Variants in PICALM observed in about 807,000 individuals in gnomAD.
The protein encoded by PICALM is phosphatidylinositol binding clathrin assembly protein.
A neutral mutation model predicts 80.5 loss-of-function variants in PICALM; 40 were observed. That is an observed-to-expected ratio of 0.50 (90% CI 0.39 to 0.65). PICALM has a LOEUF of 0.65. Ranked by LOEUF, PICALM falls within the 30% of genes least tolerant of loss-of-function variation. The pLI is 0.00. For synonymous variants in PICALM, 288 were observed against 260.3 expected (o/e 1.11, Z -1.02); for missense variants, 676 against 778.9 (o/e 0.87, Z 1.57).
At chr11:86,015,903 A>G (rs2095473930) in intron 4 of PICALM, among the ~76,000 whole-genome samples, 1 of 152,232 alleles carries the variant, frequency 6.6e-6, no homozygotes, top group African/African-American at 2.4e-5. Flanking sequence ...AAAACAATTA[A>G]GCTATAAAAA....
intron 1 of PICALM, among the ~76,000 whole-genome samples, chr11:86,039,328 C>G (rs1021116298): frequency 2.0e-5 from 3 of 152,018 alleles, no homozygotes; most frequent in African/African-American, 7.3e-5. Flanking sequence ...GAGTTCAAGG[C>G]TGTAATGTAC....
chr11:85,959,880 C>T (rs180784153), intron 19 of PICALM, among the ~76,000 whole-genome samples: 2 of 152,056 alleles, frequency 1.3e-5, no homozygotes, highest in Non-Finnish European at 2.9e-5. Context: ...ACATCCAGGC[C>T]AAATACTTAA....
intron 19 of PICALM, among the ~76,000 whole-genome samples, chr11:85,966,188 G>T (rs1004460162): frequency 6.6e-6 from 1 of 151,176 alleles, no homozygotes; most frequent in African/African-American, 2.4e-5. Flanking sequence ...AATGTATGTT[G>T]TATCTGAACC....
At chr11:86,035,917 C>T (rs1460069077) in intron 1 of PICALM, among the ~76,000 whole-genome samples, 1 of 140,620 alleles carries the variant, frequency 7.1e-6, no homozygotes, top group Non-Finnish European at 1.5e-5. Flanking sequence ...CACTGCACTC[C>T]AGCCTGGCCT....
intron 3 of PICALM, 50 bp downstream of exon 3, chr11:86,026,242 C>A: frequency 1.0e-6 from 1 of 970,510 alleles, no homozygotes; most frequent in South Asian, 1.3e-5. Flanking sequence ...GAGTAATCAT[C>A]ATGTGGGTGT....
chr11:86,035,256 G>T (rs1014507278), intron 1 of PICALM, among the ~76,000 whole-genome samples: 2 of 151,952 alleles, frequency 1.3e-5, no homozygotes, highest in Non-Finnish European at 2.9e-5. Context: ...ACCAACTTCA[G>T]CCTATATAGA....
intron 3 of PICALM, among the ~76,000 whole-genome samples, 189 bp from the exon 4 acceptor site, chr11:86,022,658 G>T (rs975393212): frequency 2.0e-5 from 3 of 151,324 alleles, no homozygotes; most frequent in Non-Finnish European, 4.4e-5. Context: ...TTCTCTTAAG[G>T]CTTCATATTT....
chr11:85,977,984 A>T (rs1467705158), intron 17 of PICALM: 1 of 973,782 alleles, frequency 1.0e-6, no homozygotes, highest in African/African-American at 1.6e-5. Flanking sequence ...AAAACAAGTA[A>T]TAGCTGAAAG....
Position 85,957,768 on chromosome 11 carries a change from G to A in PICALM, c.*1278C>T, listed in dbSNP as rs2093570646. The A allele has an allele frequency of 4.6e-6, 1 of 216,550 alleles. No homozygotes were observed. Among genetic ancestry groups the A allele is most frequent in the Non-Finnish European group, 9.3e-6 (1 of 107,426 alleles). 13.4% of individuals were successfully genotyped at this position (216,550 alleles called of 1,614,324 possible). On this transcript the variant is annotated 3_prime_UTR_variant, in exon 20 of 20. Transcript: ENST00000393346. ...ATTGTAAACAAAAATAGAATCTGCA[G>A]AGACAATGCAACAAGAATGCTTAAA...
chr11:86,022,586 T>C (rs2095584081), intron 3 of PICALM, 117 bp from the exon 4 acceptor site: 1 of 541,764 alleles, frequency 1.8e-6, no homozygotes, highest in Admixed American at 3.7e-5. Context: ...ATAAAATGTC[T>C]TGATATCCCA....
chr11:85,982,382 G>GA (rs550861038), intron 14 of PICALM, among the ~76,000 whole-genome samples: 376 of 133,108 alleles, frequency 2.8e-3, no homozygotes, highest in Non-Finnish European at 4.7e-3. Flanking sequence ...CTGGAACTTT[G>GA]AAAAAAGTTC....
At chr11:85,986,364 A>ATTTTT (rs2094569991) in intron 13 of PICALM, among the ~76,000 whole-genome samples, 1 of 89,420 alleles carries the variant, frequency 1.1e-5, no homozygotes, top group Non-Finnish European at 2.4e-5. Context: ...GCCAACTTTT[A>ATTTTT]ATTTTTTTTT....
At chr11:85,999,539 A>C (rs2095079858) in intron 11 of PICALM, among the ~76,000 whole-genome samples, 1 of 152,236 alleles carries the variant, frequency 6.6e-6, no homozygotes. Flanking sequence ...GGATTAAAGA[A>C]GGTAGCATAC....
intron 1 of PICALM, among the ~76,000 whole-genome samples, chr11:86,047,204 T>C (rs537209531): frequency 6.6e-6 from 1 of 152,348 alleles, no homozygotes; most frequent in Non-Finnish European, 1.5e-5. Flanking sequence ...AGACTTATCA[T>C]TTTCTCTAAT....
At chr11:85,976,790 TGTGA>T (rs1472485705) in intron 17 of PICALM, 108 bp from the exon 18 acceptor site, 31 of 669,516 alleles carry the variant, frequency 4.6e-5, no homozygotes, top group South Asian at 1.5e-4. Context: ...CTAAGACAGC[TGTGA>T]GTAAGTGACA....
intron 7 of PICALM, among the ~76,000 whole-genome samples, chr11:86,009,305 A>T (rs1297916314): frequency 6.7e-6 from 1 of 148,382 alleles, no homozygotes; most frequent in South Asian, 2.1e-4. Flanking sequence ...AAAAAAAAAA[A>T]AAAAAAAAAA....
chr11:86,025,272 C>T (rs771197904), intron 3 of PICALM, among the ~76,000 whole-genome samples: 1 of 152,004 alleles, frequency 6.6e-6, no homozygotes, highest in Admixed American at 6.6e-5. Flanking sequence ...TGGTGACATG[C>T]GCGGGTAGTC....
intron 10 of PICALM, 57 bp from the exon 11 acceptor site, chr11:86,000,836 C>A: frequency 6.4e-7 from 1 of 1,567,380 alleles, no homozygotes. Context: ...TTTGTACAGC[C>A]TCTGAAAAAA....
At chr11:86,035,061 TAAAAAC>T (rs2095816746) in intron 1 of PICALM, among the ~76,000 whole-genome samples, 1 of 150,448 alleles carries the variant, frequency 6.6e-6, no homozygotes, top group Admixed American at 6.6e-5. Flanking sequence ...GAAAACTAAT[TAAAAAC>T]AAAAACAATA....
Sources: gnomAD v4.1 joint callset for allele counts (sites outside exome capture counted in the v4.1 genomes callset) on GRCh38, gnomAD v4.1.1 for gene constraint, MANE v1.5 for transcripts, NCBI Gene and HGNC (gene_info 2026-07-23, HGNC 2026-07-21) for gene names.